The following AKAP13 variants were observed in gnomAD, a reference collection of about 807,000 sequenced individuals.
AKAP13 encodes A-kinase anchoring protein 13, also known as A-kinase anchor protein 13.
A neutral mutation model predicts 264.5 loss-of-function variants in AKAP13; 80 were observed. The observed-to-expected ratio is 0.30, with a 90% CI of 0.25 to 0.36. The LOEUF is 0.36. Ranked by LOEUF, AKAP13 falls within the 10% of genes least tolerant of loss-of-function variation. The pLI, the probability that AKAP13 is intolerant of heterozygous loss-of-function variation, is 1.00. For missense variants in AKAP13, 3,712 were observed against 3,435.2 expected, an observed-to-expected ratio of 1.08 and a Z score of -2.01; for synonymous variants, 1,380 against 1,250.2, an observed-to-expected ratio of 1.10 and a Z score of -2.19.
chr15:85,444,056 G>A (rs181745829), intron 1 of AKAP13, among the ~76,000 whole-genome samples: 38 of 152,204 alleles, frequency 2.5e-4, no homozygotes, highest in Admixed American at 1.5e-3. Context: ...CTAGTGATTC[G>A]GGCTAAGGCT....
At chr15:85,729,199 T>G (rs1356632930) in intron 29 of AKAP13, among the ~76,000 whole-genome samples, 1 of 150,666 alleles carries the variant, frequency 6.6e-6, no homozygotes, top group Non-Finnish European at 1.5e-5. Context: ...CTTAGGAGGC[T>G]GAGGCAGGAG....
At chr15:85,545,246 G>A (rs1048034502) in intron 5 of AKAP13, among the ~76,000 whole-genome samples, 7 of 152,332 alleles carry the variant, frequency 4.6e-5, no homozygotes, top group Non-Finnish European at 8.8e-5. Context: ...AGGAAGAGAG[G>A]CCTTGTTTCA....
intron 1 of AKAP13, among the ~76,000 whole-genome samples, chr15:85,397,309 G>A (rs2071165558): frequency 6.6e-6 from 1 of 152,036 alleles, no homozygotes; most frequent in East Asian, 1.9e-4. Flanking sequence ...CACCCCCTCT[G>A]TGGTAAAGAA....
Position 85,532,695 on chromosome 15 carries a change from A to G in AKAP13, c.182-889A>G, listed in dbSNP as rs1293297226. Reference sequence around the variant, plus strand: ...TGGAAATATTTAATTCTGTGAGGCTAAAATTTCAAAAGAAAGCCCAATTGT... The same window carrying G: ...TGGAAATATTTAATTCTGTGAGGCTGAAATTTCAAAAGAAAGCCCAATTGT... On this transcript the variant is annotated intron_variant, in intron 3 of 36. Coordinates refer to ENST00000394518, the MANE Select transcript of AKAP13 (RefSeq NM_007200.5). 5.3e-5 allele frequency among the ~76,000 whole-genome samples: 8 copies of G among 152,326 alleles called. No individual in the cohort carries two copies. The South Asian group carries it at 1.2e-3, about 24-fold the overall frequency.
At position 85,655,795 on chromosome 15, in the gene AKAP13, G is replaced by A; in HGVS notation, c.4745+8G>A. On this transcript the variant is annotated splice_region_variant and intron_variant, in intron 11 of 36. Transcript: ENST00000394518. ...AGAAATGAACCACCGGAGGTGAGAT[G>A]GGAGGCGGTTTGTTTAGTGTCTCAG... 1 of 1,599,534 alleles carries A rather than the reference G, an allele frequency of 6.3e-7. No individual in the cohort carries two copies. Among genetic ancestry groups the A allele is most frequent in the Non-Finnish European group, 8.5e-7 (1 of 1,169,798 alleles).
intron 1 of AKAP13, among the ~76,000 whole-genome samples, chr15:85,458,950 A>G (rs907536171): frequency 1.3e-5 from 2 of 152,102 alleles, no homozygotes; most frequent in Admixed American, 1.3e-4. Flanking sequence ...GCATTGAGTC[A>G]TACTTTTCTG....
At chr15:85,696,732 A>G (rs888938556) in intron 17 of AKAP13, among the ~76,000 whole-genome samples, 3 of 152,236 alleles carry the variant, frequency 2.0e-5, no homozygotes, top group South Asian at 4.1e-4. Context: ...AAATTAATAC[A>G]TAGCTGAACC....
At chr15:85,572,002 A>T (rs972400638) in intron 5 of AKAP13, among the ~76,000 whole-genome samples, 1 of 152,220 alleles carries the variant, frequency 6.6e-6, no homozygotes, top group Non-Finnish European at 1.5e-5. Flanking sequence ...TGAGAGTGGG[A>T]GAGGTAGAAG....
At chr15:85,687,606 TGTA>T (rs1174523484) in intron 16 of AKAP13, among the ~76,000 whole-genome samples, 1 of 152,182 alleles carries the variant, frequency 6.6e-6, no homozygotes, top group Non-Finnish European at 1.5e-5. Flanking sequence ...AACCCTGAAT[TGTA>T]GTCCATTTCC....
chr15:85,576,643 T>G (rs2079024988), intron 6 of AKAP13, among the ~76,000 whole-genome samples: 1 of 152,234 alleles, frequency 6.6e-6, no homozygotes. Flanking sequence ...TGCCAGAGGC[T>G]TCTTTGGGAG....
chr15:85,672,496 C>T (rs906886437), intron 14 of AKAP13, among the ~76,000 whole-genome samples: 6 of 152,164 alleles, frequency 3.9e-5, no homozygotes, highest in African/African-American at 1.2e-4. Context: ...ATAATTTGCT[C>T]CAGGCTCAAG....
At chr15:85,635,385 C>T (rs934001332) in intron 8 of AKAP13, among the ~76,000 whole-genome samples, 4 of 152,008 alleles carry the variant, frequency 2.6e-5, no homozygotes, top group Non-Finnish European at 5.9e-5. Context: ...TTATTCAAAT[C>T]TTTTACCCAT....
chr15:85,738,661 A>T (rs2088717275), intron 33 of AKAP13, among the ~76,000 whole-genome samples: 2 of 151,484 alleles, frequency 1.3e-5, no homozygotes, highest in Admixed American at 1.3e-4. Context: ...ACAAGGTGAA[A>T]CCCCGTCTCT....
chr15:85,505,628 T>C (rs752816687), intron 2 of AKAP13, among the ~76,000 whole-genome samples: 1 of 152,222 alleles, frequency 6.6e-6, no homozygotes, highest in East Asian at 1.9e-4. Flanking sequence ...AATGACTTTA[T>C]GTAAAAGTCG....
At chr15:85,728,146 T>TA (rs2087732252) in intron 29 of AKAP13, among the ~76,000 whole-genome samples, 1 of 152,172 alleles carries the variant, frequency 6.6e-6, no homozygotes. Context: ...CGTATGTAGT[T>TA]AGTGGCTAAG....
chr15:85,436,874 C>T (rs1183272643), intron 1 of AKAP13, among the ~76,000 whole-genome samples: 2 of 151,686 alleles, frequency 1.3e-5, no homozygotes, highest in African/African-American at 4.8e-5. Flanking sequence ...AGGAAAGATC[C>T]AAAATTGACA....
chr15:85,398,523 A>G (rs1484562617), intron 1 of AKAP13, among the ~76,000 whole-genome samples: 1 of 152,186 alleles, frequency 6.6e-6, no homozygotes, highest in African/African-American at 2.4e-5. Flanking sequence ...TAAACAGGTT[A>G]TAAAACATTT....
chr15:85,559,620 T>C (rs1438353426), intron 5 of AKAP13, among the ~76,000 whole-genome samples: 1 of 152,128 alleles, frequency 6.6e-6, no homozygotes, highest in South Asian at 2.1e-4. Flanking sequence ...CATCAAACAT[T>C]AGATTCACAT....
intron 8 of AKAP13, among the ~76,000 whole-genome samples, chr15:85,632,149 T>C (rs1340428068): frequency 6.6e-6 from 1 of 152,170 alleles, no homozygotes; most frequent in Admixed American, 6.6e-5. Flanking sequence ...CACAGTTTCA[T>C]GGGTGCTGGC....
Sources: gnomAD v4.1 joint callset for allele counts (sites outside exome capture counted in the v4.1 genomes callset) on GRCh38, gnomAD v4.1.1 for gene constraint, MANE v1.5 for transcripts, NCBI Gene and HGNC (gene_info 2026-07-23, HGNC 2026-07-21) for gene names.